The following PLD5 variants were observed in gnomAD, a reference collection of about 807,000 sequenced individuals.
The protein encoded by PLD5 is phospholipase D family member 5.
In PLD5, 36 loss-of-function variants were observed where a neutral mutation model predicts 61.1. The ratio of observed to expected loss-of-function variants is 0.59; its 90% confidence interval spans 0.45 to 0.78. PLD5 has a LOEUF of 0.78. Ranked by LOEUF, PLD5 falls within the 30% of genes least tolerant of loss-of-function variation. The probability of loss-of-function intolerance (pLI) is 0.00; values close to 1 mark genes in which losing one functional copy is unlikely to be tolerated. For synonymous variants in PLD5, 243 were observed against 242.8 expected (o/e 1.00, Z -0.01); for missense variants, 515 against 644.4 (o/e 0.80, Z 2.17).
chr1:242,485,297 G>A (rs531489611), intron 1 of PLD5, among the ~76,000 whole-genome samples: 42 of 151,632 alleles, frequency 2.8e-4, no homozygotes, highest in Middle Eastern at 3.4e-3. Flanking sequence ...CATGATTGCC[G>A]ATGACTTCTA....
At chr1:242,393,306 A>C (rs867864271) in intron 1 of PLD5, among the ~76,000 whole-genome samples, 1 of 19,606 alleles carries the variant, frequency 5.1e-5, no homozygotes, top group Non-Finnish European at 8.4e-5. Flanking sequence ...GAGTATATAT[A>C]TGTGTATATA....
At chr1:242,447,453 C>T (rs921056370) in intron 1 of PLD5, among the ~76,000 whole-genome samples, 2 of 152,232 alleles carry the variant, frequency 1.3e-5, no homozygotes, top group African/African-American at 2.4e-5. Context: ...ATTCACTCCT[C>T]TTCCGGTCAG....
At chr1:242,254,674 AACCACC>A (rs575280649) in intron 4 of PLD5, among the ~76,000 whole-genome samples, 1 of 151,978 alleles carries the variant, frequency 6.6e-6, no homozygotes, top group Admixed American at 6.6e-5. Context: ...CGTCTCAAAC[AACCACC>A]ACCACCACCA....
intron 2 of PLD5, among the ~76,000 whole-genome samples, chr1:242,343,000 G>C (rs530447812): frequency 6.6e-6 from 1 of 152,210 alleles, no homozygotes; most frequent in East Asian, 1.9e-4. Flanking sequence ...TTTTAGAGAG[G>C]CATATGAAAG....
intron 1 of PLD5, among the ~76,000 whole-genome samples, chr1:242,496,304 C>T (rs1451820649): frequency 6.6e-6 from 1 of 152,142 alleles, no homozygotes; most frequent in East Asian, 1.9e-4. Context: ...TGGAAGGCAA[C>T]TTTGAAGAAA....
upstream of PLD5, among the ~76,000 whole-genome samples, chr1:242,526,139 A>G (rs1210372586): frequency 6.6e-6 from 1 of 152,212 alleles, no homozygotes; most frequent in South Asian, 2.1e-4. Flanking sequence ...GGAGTGGCTC[A>G]GGTTTGTAAT....
intron 5 of PLD5, among the ~76,000 whole-genome samples, chr1:242,207,373 A>G (rs940271087): frequency 1.3e-5 from 2 of 152,090 alleles, no homozygotes; most frequent in African/African-American, 4.8e-5. Context: ...CTCTGATTAC[A>G]GGTCTTCGGT....
rs1558524333 is a variant in PLD5 at position 242,393,630 on chromosome 1, A to ATATATGTGTATATATATGAG, written c.190-45389_190-45388insCTCATATATATACACATATA. On this transcript the variant is annotated intron_variant, in intron 1 of 9. Transcript: ENST00000536534. ...AGCATATATGTGTATATATATGAGT[A>ATATATGTGTATATATATGAG]TATATATGTGTATATATATGAGTAT... is the stretch of plus-strand genomic sequence containing the variant. 4.0e-5 allele frequency among the ~76,000 whole-genome samples: 4 copies of ATATATGTGTATATATATGAG among 100,836 alleles called. 1 individual carries two copies. Among genetic ancestry groups the ATATATGTGTATATATATGAG allele is most frequent in the East Asian group, 2.8e-4 (1 of 3,608 alleles). 66.2% of individuals were successfully genotyped at this position (100,836 alleles called of 152,430 possible).
In PLD5 at chr1:242,442,427, G is replaced by C. The variant is rs372472346; in HGVS notation, c.189+81661C>G. Among the ~76,000 whole-genome samples the C allele has an allele frequency of 3.0e-4, 45 of 152,296 alleles. 1 individual carries two copies. The highest frequency in any genetic ancestry group is 1.0e-3 in the African/African-American group (43 of 41,566). On this transcript the variant is annotated intron_variant, in intron 1 of 9. Transcript: ENST00000536534. ...CGTCCACTTTATCCATGGCGGCACT[G>C]TTACATAAATGGGATTATTCGCTTC...
At chr1:242,296,246 G>T (rs1232293843) in intron 2 of PLD5, among the ~76,000 whole-genome samples, 1 of 152,038 alleles carries the variant, frequency 6.6e-6, no homozygotes, top group Non-Finnish European at 1.5e-5. Flanking sequence ...TTTTCTTGTT[G>T]GTTTAAGTTC....
intron 1 of PLD5, among the ~76,000 whole-genome samples, chr1:242,384,226 G>A (rs1009702684): frequency 9.2e-5 from 14 of 152,130 alleles, no homozygotes; most frequent in Admixed American, 5.2e-4. Context: ...AGAAGAAAAC[G>A]CACCATTAAA....
rs1426100398 is a variant in PLD5, at chr1:242,100,657, C to T, written c.1354+11G>A. Reference sequence around the variant, plus strand: ...CCCCCACCCAAGGAGCTTCACAGCCCTGACACCTACCAATATAAGCTGCTC... The same window carrying T: ...CCCCCACCCAAGGAGCTTCACAGCCTTGACACCTACCAATATAAGCTGCTC... On this transcript the variant is annotated intron_variant, in intron 9 of 9. Transcript: ENST00000536534. 1.2e-6 allele frequency: 2 copies of T among 1,608,008 alleles called. No homozygotes were observed. Among genetic ancestry groups the T allele is most frequent in the Non-Finnish European group, 1.7e-6 (2 of 1,174,546 alleles).
intron 5 of PLD5, among the ~76,000 whole-genome samples, chr1:242,183,248 T>C (rs1267896356): frequency 6.6e-6 from 1 of 152,240 alleles, no homozygotes; most frequent in Non-Finnish European, 1.5e-5. Flanking sequence ...TTTGCTTTAC[T>C]ATAGTTTGAG....
chr1:242,395,307 G>A (rs1050587570), intron 1 of PLD5, among the ~76,000 whole-genome samples: 2 of 151,936 alleles, frequency 1.3e-5, no homozygotes, highest in African/African-American at 4.8e-5. Flanking sequence ...CCCCTACGAG[G>A]AACTTGTTTG....
chr1:242,144,614 C>T (rs1157607958), intron 5 of PLD5, among the ~76,000 whole-genome samples: 1 of 152,054 alleles, frequency 6.6e-6, no homozygotes, highest in Non-Finnish European at 1.5e-5. Context: ...AACCCCATCT[C>T]TTCTAAAAAT....
chr1:242,281,632 A>G (rs1455577434), intron 3 of PLD5, among the ~76,000 whole-genome samples: 2 of 152,224 alleles, frequency 1.3e-5, no homozygotes, highest in Non-Finnish European at 2.9e-5. Flanking sequence ...TTTGCTAGAT[A>G]GTGTTTGGTC....
At chr1:242,378,455 A>G (rs1662091275) in intron 1 of PLD5, among the ~76,000 whole-genome samples, 1 of 152,188 alleles carries the variant, frequency 6.6e-6, no homozygotes, top group Non-Finnish European at 1.5e-5. Context: ...CAGCACAACA[A>G]CGTGAATGTA....
intron 5 of PLD5, among the ~76,000 whole-genome samples, chr1:242,192,672 C>T (rs1044519911): frequency 2.0e-5 from 3 of 152,072 alleles, no homozygotes; most frequent in African/African-American, 7.2e-5. Flanking sequence ...TCATGTAACA[C>T]GGACAGAAGA....
chr1:242,193,339 G>A (rs1389341987), intron 5 of PLD5, among the ~76,000 whole-genome samples: 1 of 152,096 alleles, frequency 6.6e-6, no homozygotes, highest in Non-Finnish European at 1.5e-5. Flanking sequence ...CATTGTTTAG[G>A]GAGAGACTGA....
Sources: gnomAD v4.1 joint callset for allele counts (sites outside exome capture counted in the v4.1 genomes callset) on GRCh38, gnomAD v4.1.1 for gene constraint, MANE v1.5 for transcripts, NCBI Gene and HGNC (gene_info 2026-07-23, HGNC 2026-07-21) for gene names.